SLC7A8: variants seen among roughly 807,000 people sequenced by gnomAD.
SLC7A8 encodes the protein large neutral amino acids transporter small subunit 2.
In SLC7A8, 30 loss-of-function variants were observed where a neutral mutation model predicts 51.2. That is an observed-to-expected ratio of 0.59 (90% CI 0.44 to 0.80). The LOEUF is 0.80. Among genes scored for constraint, SLC7A8 ranks in the 30% least tolerant of loss-of-function variants. The pLI, the probability that SLC7A8 is intolerant of heterozygous loss-of-function variation, is 0.00. For missense variants in SLC7A8, 612 were observed against 674.4 expected (o/e 0.91, Z 1.03); for synonymous variants, 257 against 275.8 (o/e 0.93, Z 0.67).
chr14:23,130,117 G>A (rs1329560231), intron 8 of SLC7A8: 2 of 263,124 alleles, frequency 7.6e-6, no homozygotes, highest in South Asian at 1.5e-4. Context: ...TGTCAGCCCC[G>A]GTCTCATTTG....
Position 23,182,874 on chromosome 14 carries a change from T to G in SLC7A8, c.41A>C (p.Lys14Thr). Residue 14 changes from lysine (K) to threonine (T), a missense_variant, in exon 1 of 11, where the codon AAA (lysine) becomes ACA (threonine). Transcript: ENST00000316902. ...GARHRNNTEK[K>T]HPGGGESDAS... is the part of the protein sequence containing the mutation. ...GTCCGACTCGCCCCCACCTGGGTGT[T>G]TCTTTTCGGTGTTGTTTCGGTGCCT... is the stretch of plus-strand genomic sequence containing the variant. 1 of 1,614,182 alleles carries G rather than the reference T, an allele frequency of 6.2e-7. No homozygotes were observed. Among genetic ancestry groups the G allele is most frequent in the South Asian group, 1.1e-5 (1 of 91,082 alleles).
intron 1 of SLC7A8, among the ~76,000 whole-genome samples, chr14:23,173,218 C>T (rs1269551863): frequency 3.3e-5 from 5 of 152,128 alleles, no homozygotes; most frequent in Non-Finnish European, 7.3e-5. Context: ...TGTGCACAGA[C>T]ACAGAACTGA....
Position 23,183,234 on chromosome 14 carries a change from A to C in SLC7A8, c.-320T>G. On this transcript the variant is annotated 5_prime_UTR_variant, in exon 1 of 11. Coordinates refer to ENST00000316902, the MANE Select transcript of SLC7A8 (RefSeq NM_012244.4). Reference sequence around the variant, plus strand: ...TCCGGCTGGAATTCTGCTGAAAGGGATGTGTCTTCAGAAACCAGGATGGTT... The same window carrying C: ...TCCGGCTGGAATTCTGCTGAAAGGGCTGTGTCTTCAGAAACCAGGATGGTT... The C allele has an allele frequency of 3.5e-6, 1 of 288,188 alleles. No individual in the cohort carries two copies. The highest frequency in any genetic ancestry group is 6.5e-6 in the Non-Finnish European group (1 of 153,454). 17.9% of individuals were successfully genotyped at this position (288,188 alleles called of 1,614,324 possible).
intron 6 of SLC7A8, among the ~76,000 whole-genome samples, chr14:23,138,922 G>A (rs1232204254): frequency 6.6e-6 from 1 of 152,162 alleles, no homozygotes; most frequent in Non-Finnish European, 1.5e-5. Flanking sequence ...GTGCCTCCCA[G>A]GTCCTTCTTA....
chr14:23,131,999 A>ATTTTTTTT (rs1201371313), intron 7 of SLC7A8, among the ~76,000 whole-genome samples: 1 of 98,194 alleles, frequency 1.0e-5, no homozygotes, highest in Non-Finnish European at 2.0e-5. Context: ...AAAACACTCT[A>ATTTTTTTT]TTTTTTTTTT....
At position 23,153,623 on chromosome 14, in the gene SLC7A8, G is replaced by A. The variant is rs139273590; in HGVS notation, c.509-10419C>T. On this transcript the variant is annotated intron_variant, in intron 3 of 10. Transcript: ENST00000316902. ...TTATGCCTCAGAAACCAAGAAAGGTGCATCCATTGCTCCCAGGGCTTTAGA... is the reference window on the plus strand; with the variant it reads ...TTATGCCTCAGAAACCAAGAAAGGTACATCCATTGCTCCCAGGGCTTTAGA... 3.9e-5 allele frequency among the ~76,000 whole-genome samples: 6 copies of A among 152,326 alleles called. No individual in the cohort carries two copies. In the East Asian group the frequency reaches 1.2e-3, roughly 29 times the overall value.
At chr14:23,151,268 G>A (rs1403646416) in intron 3 of SLC7A8, among the ~76,000 whole-genome samples, 5 of 152,098 alleles carry the variant, frequency 3.3e-5, no homozygotes, top group Non-Finnish European at 7.4e-5. Flanking sequence ...GAATGGAAAC[G>A]ACAGATAGAT....
intron 1 of SLC7A8, among the ~76,000 whole-genome samples, chr14:23,179,816 AAAAGAAAG>A (rs756699235): frequency 6.6e-6 from 1 of 152,120 alleles, no homozygotes; most frequent in Admixed American, 6.6e-5. Context: ...TCTCAGAAAA[AAAAGAAAG>A]AAAGAAAGAA....
chr14:23,132,057 T>C (rs1024901146), intron 7 of SLC7A8, among the ~76,000 whole-genome samples: 1 of 140,094 alleles, frequency 7.1e-6, no homozygotes, highest in East Asian at 2.1e-4. Flanking sequence ...CAGGCTGGAG[T>C]GCAGTGCTGC....
chr14:23,172,384 ATT>A (rs1352444618), intron 1 of SLC7A8, among the ~76,000 whole-genome samples: 4 of 152,180 alleles, frequency 2.6e-5, no homozygotes, highest in African/African-American at 9.7e-5. Context: ...CTCAAAAGGT[ATT>A]TATTGAGCGC....
chr14:23,171,744 G>A (rs900448292), intron 1 of SLC7A8, among the ~76,000 whole-genome samples: 1 of 152,202 alleles, frequency 6.6e-6, no homozygotes, highest in Admixed American at 6.5e-5. Flanking sequence ...AGGGAACAGC[G>A]TGAAAGCAGG....
At chr14:23,141,701 G>A (rs1160535987) in intron 4 of SLC7A8, among the ~76,000 whole-genome samples, 2 of 152,176 alleles carry the variant, frequency 1.3e-5, no homozygotes, top group African/African-American at 4.8e-5. Context: ...TGATCTGCCT[G>A]CATTGGCCTC....
intron 1 of SLC7A8, among the ~76,000 whole-genome samples, chr14:23,172,393 G>C (rs1169179505): frequency 6.6e-6 from 1 of 152,218 alleles, no homozygotes; most frequent in Non-Finnish European, 1.5e-5. Context: ...TATTTATTGA[G>C]CGCCCACTCT....
intron 3 of SLC7A8, among the ~76,000 whole-genome samples, chr14:23,163,823 T>A (rs1342759971): frequency 6.6e-6 from 1 of 152,196 alleles, no homozygotes; most frequent in Non-Finnish European, 1.5e-5. Flanking sequence ...TCCATTGAGA[T>A]GACTAATATC....
Position 23,182,768 on chromosome 14 carries a change from G to A in SLC7A8, c.147C>T (p.Ile49=), listed in dbSNP as rs1478736008. The A allele has an allele frequency of 1.3e-6, 2 of 1,578,842 alleles. No individual in the cohort carries two copies. Among genetic ancestry groups the A allele is most frequent in the Non-Finnish European group, 1.7e-6 (2 of 1,164,290 alleles). Residue 49 remains isoleucine, a synonymous_variant, in exon 1 of 11, where the codon ATC becomes ATT. Transcript: ENST00000316902. ...EIGLVSACGI[I]VGNIIGSGIF... Reference sequence around the variant, plus strand: ...GCGGGAAGGAATGGAACTCACCTACGATGATACCACAGGCACTGACCAATC... The same window carrying A: ...GCGGGAAGGAATGGAACTCACCTACAATGATACCACAGGCACTGACCAATC...
intron 3 of SLC7A8, among the ~76,000 whole-genome samples, chr14:23,160,870 C>T (rs977721666): frequency 1.3e-5 from 2 of 152,140 alleles, no homozygotes; most frequent in Non-Finnish European, 2.9e-5. Flanking sequence ...CCTCCTAACT[C>T]CCTCCACTCC....
chr14:23,143,354 G>T, intron 3 of SLC7A8, 150 bp from the exon 4 acceptor site: 1 of 1,105,706 alleles, frequency 9.0e-7, no homozygotes, highest in Non-Finnish European at 1.3e-6. Flanking sequence ...AGGGACCAGA[G>T]ACTTTGGCTA....
chr14:23,154,157 G>C, intron 3 of SLC7A8: 1 of 767,498 alleles, frequency 1.3e-6, no homozygotes, highest in African/African-American at 1.9e-5. Flanking sequence ...CTCCAAACCT[G>C]CAAAACAGGC....
chr14:23,164,648 T>G (rs1235375449), intron 3 of SLC7A8, among the ~76,000 whole-genome samples: 7 of 151,374 alleles, frequency 4.6e-5, no homozygotes. Context: ...GTATGCAGAA[T>G]CCATTCATAA....
Sources: gnomAD v4.1 joint callset for allele counts (sites outside exome capture counted in the v4.1 genomes callset) on GRCh38, gnomAD v4.1.1 for gene constraint, MANE v1.5 for transcripts, NCBI Gene and HGNC (gene_info 2026-07-23, HGNC 2026-07-21) for gene names.